The following TTC1 variants were observed in gnomAD, a reference collection of about 807,000 sequenced individuals.
The protein encoded by TTC1 is tetratricopeptide repeat domain 1.
A neutral mutation model predicts 37.6 loss-of-function variants in TTC1; 31 were observed. The ratio of observed to expected loss-of-function variants is 0.82; its 90% CI spans 0.62 to 1.11. TTC1 has a LOEUF of 1.11. Ranked by LOEUF, TTC1 falls within the 50% of genes most tolerant of loss-of-function variation. The pLI is 0.00. For missense variants in TTC1, 351 were observed against 339.0 expected (o/e 1.04, Z -0.28); for synonymous variants, 127 against 122.4 (o/e 1.04, Z -0.25).
At chr5:160,026,293 T>C (rs1756804176) in intron 2 of TTC1, among the ~76,000 whole-genome samples, 1 of 152,216 alleles carries the variant, frequency 6.6e-6, no homozygotes, top group Admixed American at 6.5e-5. Flanking sequence ...ATTTGTATAG[T>C]AGTTTTGTGA....
rs1309128259 is a variant in TTC1 at position 160,049,626 on chromosome 5, A to G, written c.654A>G (p.Lys218=). The change falls in exon 6 of 8, where the codon AAA becomes AAG. Residue 218 remains lysine, a synonymous_variant. Transcript: ENST00000231238. ...AAGACTATAAATCTATATTAGAAAA[A>G]GATCCATCAATACATCAAGCAAGAG... is the stretch of plus-strand genomic sequence containing the variant. ...ALEDYKSILE[K]DPSIHQAREA... 1.9e-6 allele frequency: 3 copies of G among 1,600,922 alleles called. No homozygotes were observed. The highest frequency in any genetic ancestry group is 1.4e-5 in the African/African-American group (1 of 73,972).
intron 5 of TTC1, among the ~76,000 whole-genome samples, chr5:160,044,899 C>G (rs948888937): frequency 1.3e-5 from 2 of 152,122 alleles, no homozygotes; most frequent in East Asian, 3.8e-4. Context: ...ATTTGGTGCC[C>G]TCTCTACTGG....
At chr5:160,042,611 TG>T (rs1458507153) in intron 4 of TTC1, among the ~76,000 whole-genome samples, 2 of 152,218 alleles carry the variant, frequency 1.3e-5, no homozygotes, top group Non-Finnish European at 2.9e-5. Context: ...TTAGATATTT[TG>T]TTTAAGAGTT....
chr5:160,062,813 T>C (rs999198622), intron 7 of TTC1, among the ~76,000 whole-genome samples: 1 of 152,096 alleles, frequency 6.6e-6, no homozygotes, highest in African/African-American at 2.4e-5. Flanking sequence ...GATGGTTTTT[T>C]TTTTCCCCCT....
At chr5:160,024,163 T>C in intron 2 of TTC1, 2 of 570,774 alleles carry the variant, frequency 3.5e-6, no homozygotes, top group South Asian at 5.2e-5. Flanking sequence ...GTTGAAAAAC[T>C]CTCATTACTG....
intron 5 of TTC1, among the ~76,000 whole-genome samples, chr5:160,045,520 A>ACTCTCT (rs749296749): frequency 9.1e-4 from 50 of 54,900 alleles, no homozygotes; most frequent in South Asian, 1.6e-3. Flanking sequence ...ACACATACAC[A>ACTCTCT]CTCTCTCTCT....
chr5:160,038,012 TG>T (rs200862759), intron 4 of TTC1, among the ~76,000 whole-genome samples: 9 of 151,880 alleles, frequency 5.9e-5, no homozygotes, highest in Non-Finnish European at 1.0e-4. Flanking sequence ...TTGTTGTTGT[TG>T]TTTTTTTTAA....
At chr5:160,034,297 A>G (rs1035693003) in intron 2 of TTC1, among the ~76,000 whole-genome samples, 4 of 152,162 alleles carry the variant, frequency 2.6e-5, no homozygotes, top group Admixed American at 2.0e-4. Flanking sequence ...GCACACACTC[A>G]GCATGCGTCT....
chr5:160,061,052 T>C (rs571893628), intron 7 of TTC1, among the ~76,000 whole-genome samples: 1 of 152,366 alleles, frequency 6.6e-6, no homozygotes, highest in East Asian at 1.9e-4. Context: ...AAGCTGTCAG[T>C]GGCCTCCTGT....
intron 4 of TTC1, among the ~76,000 whole-genome samples, chr5:160,040,438 T>A (rs1329676615): frequency 6.6e-6 from 1 of 152,252 alleles, no homozygotes; most frequent in Admixed American, 6.5e-5. Flanking sequence ...AAATTTATTT[T>A]TTTAATTTTT....
In TTC1 at chr5:160,064,924, C is replaced by T; in HGVS notation, c.746-8C>T. On this transcript the variant is annotated splice_region_variant and splice_polypyrimidine_tract_variant and intron_variant, in intron 7 of 7. Coordinates refer to ENST00000231238, the MANE Select transcript of TTC1 (RefSeq NM_003314.3). ...GTATTCATTTGAGTTTTTGCTTTTA[C>T]ATTACAGGTAAATTAAAAGATCTTG... The T allele has an allele frequency of 6.2e-7, 1 of 1,605,104 alleles. No individual in the cohort carries two copies. The highest frequency in any genetic ancestry group is 8.5e-7 in the Non-Finnish European group (1 of 1,177,948).
At chr5:160,013,440 C>T (rs1756537764) in intron 2 of TTC1, among the ~76,000 whole-genome samples, 1 of 151,824 alleles carries the variant, frequency 6.6e-6, no homozygotes, top group Non-Finnish European at 1.5e-5. Flanking sequence ...GACTCAGCCT[C>T]ATTAATAATG....
At chr5:160,044,659 T>C (rs1470995434) in intron 5 of TTC1, among the ~76,000 whole-genome samples, 1 of 152,256 alleles carries the variant, frequency 6.6e-6, no homozygotes, top group Non-Finnish European at 1.5e-5. Context: ...TCCATCGCCA[T>C]CTTGGCTTTG....
intron 6 of TTC1, 69 bp from the exon 7 acceptor site, chr5:160,051,060 C>G: frequency 7.7e-7 from 1 of 1,301,380 alleles, no homozygotes; most frequent in Non-Finnish European, 1.1e-6. Flanking sequence ...TTCTCAAATT[C>G]AAAATAAAGG....
chr5:160,023,043 G>A (rs1644081400), intron 2 of TTC1, among the ~76,000 whole-genome samples: 2 of 152,018 alleles, frequency 1.3e-5, no homozygotes, highest in African/African-American at 4.8e-5. Context: ...ATCACCTGAG[G>A]TCAAGTTTAA....
intron 4 of TTC1, 44 bp from the exon 5 acceptor site, chr5:160,043,089 G>A (rs2113377636): frequency 6.2e-7 from 1 of 1,603,364 alleles, no homozygotes; most frequent in Non-Finnish European, 8.5e-7. Flanking sequence ...GGGCCATTAA[G>A]ATAAAACTAG....
chr5:160,058,555 T>C (rs550319913), intron 7 of TTC1, among the ~76,000 whole-genome samples: 2 of 151,930 alleles, frequency 1.3e-5, no homozygotes, highest in African/African-American at 4.8e-5. Context: ...GGACTACAGG[T>C]GCCCACCACC....
At chr5:160,019,027 T>C (rs371294980) in intron 2 of TTC1, among the ~76,000 whole-genome samples, 4 of 152,236 alleles carry the variant, frequency 2.6e-5, no homozygotes, top group South Asian at 2.1e-4. Context: ...TTTGAACTTA[T>C]CCAGGTTCTG....
At chr5:160,034,573 T>C (rs1305662011) in intron 2 of TTC1, among the ~76,000 whole-genome samples, 1 of 152,202 alleles carries the variant, frequency 6.6e-6, no homozygotes, top group Non-Finnish European at 1.5e-5. Flanking sequence ...TTAAAGTACT[T>C]ATTTCACAGA....
Sources: allele counts gnomAD v4.1 joint callset (sites outside exome capture counted in the v4.1 genomes callset), GRCh38; gene constraint gnomAD v4.1.1; transcripts MANE v1.5; gene names NCBI Gene and HGNC (gene_info 2026-07-23, HGNC 2026-07-21).